The following FOXN3 variants were observed in gnomAD, a reference collection of about 807,000 sequenced individuals.
The protein encoded by FOXN3 is forkhead box N3, also known as forkhead box protein N3.
Under a neutral mutation model 38.4 loss-of-function variants are expected in FOXN3, and 7 were observed. The ratio of observed to expected loss-of-function variants is 0.18; its 90% CI spans 0.10 to 0.34. FOXN3 has a LOEUF of 0.34. Among genes scored for constraint, FOXN3 ranks in the 10% least tolerant of loss-of-function variants. The probability of loss-of-function intolerance (pLI) is 1.00; values close to 1 mark genes in which losing one functional copy is unlikely to be tolerated. For missense variants in FOXN3, 456 were observed against 613.4 expected (o/e 0.74, Z 2.71); for synonymous variants, 230 against 242.2 (o/e 0.95, Z 0.47).
chr14:89,516,619 T>C (rs1473513030), intron 1 of FOXN3, among the ~76,000 whole-genome samples: 1 of 147,278 alleles, frequency 6.8e-6, no homozygotes, highest in Admixed American at 7.0e-5. Context: ...TGGAGTGCAG[T>C]GGCACAATCA....
intron 1 of FOXN3, among the ~76,000 whole-genome samples, chr14:89,415,356 T>C (rs1178321524): frequency 6.6e-6 from 1 of 152,194 alleles, no homozygotes; most frequent in African/African-American, 2.4e-5. Context: ...TAACACGCTA[T>C]TCTCCATGTT....
chr14:89,402,599 G>A (rs1891278933), intron 2 of FOXN3, among the ~76,000 whole-genome samples: 1 of 152,224 alleles, frequency 6.6e-6, no homozygotes, highest in South Asian at 2.1e-4. Flanking sequence ...GATCAAAGCA[G>A]AGGGTGGGGT....
intron 1 of FOXN3, among the ~76,000 whole-genome samples, chr14:89,555,125 G>A (rs1391176176): frequency 1.3e-4 from 5 of 38,832 alleles, no homozygotes; most frequent in Non-Finnish European, 3.1e-4. Flanking sequence ...TTAAAATAAT[G>A]TGGTTTTTTT....
intron 2 of FOXN3, among the ~76,000 whole-genome samples, chr14:89,381,644 A>G (rs1328443917): frequency 6.6e-6 from 1 of 151,644 alleles, no homozygotes; most frequent in African/African-American, 2.4e-5. Flanking sequence ...ACATCACCTG[A>G]GCCCAGCAGT....
rs1481298307 is a variant in FOXN3 at position 89,191,973 on chromosome 14, T to TATATATATATATATATAA, written c.746-11168_746-11167insTTATATATATATATATAT. ...GTATATATATATATACACATATATA[T>TATATATATATATATATAA]AACTATAATATATAATATATATTAG... is the stretch of plus-strand genomic sequence containing the variant. On this transcript the variant is annotated intron_variant, in intron 4 of 5. Transcript: ENST00000557258. Among the ~76,000 whole-genome samples, 195 of 135,122 alleles carry TATATATATATATATATAA rather than the reference T, an allele frequency of 1.4e-3. 5 individuals are homozygous for TATATATATATATATATAA. The highest frequency in any genetic ancestry group is 5.7e-3 in the African/African-American group (179 of 31,636). 88.6% of individuals were successfully genotyped at this position (135,122 alleles called of 152,430 possible). A position where few individuals can be genotyped will look rare whatever the true frequency, so the allele number is the denominator to read the frequency against.
At chr14:89,617,504 A>C (rs1896515988) in intron 1 of FOXN3, among the ~76,000 whole-genome samples, 1 of 152,250 alleles carries the variant, frequency 6.6e-6, no homozygotes, top group African/African-American at 2.4e-5. Flanking sequence ...AAGGCACTTA[A>C]ATTATCAAAG....
chr14:89,360,350 AAGGGAGGG>A (rs55922140), intron 2 of FOXN3, among the ~76,000 whole-genome samples: 9 of 135,218 alleles, frequency 6.7e-5, no homozygotes, highest in African/African-American at 1.1e-4. Flanking sequence ...GAGAAAGAGA[AAGGGAGGG>A]AGGGAGGGAG....
chr14:89,549,270 C>A (rs1248596582), intron 1 of FOXN3, among the ~76,000 whole-genome samples: 4 of 128,740 alleles, frequency 3.1e-5, no homozygotes, highest in Non-Finnish European at 6.4e-5. Flanking sequence ...AAGTCCTTAT[C>A]TGTAAAAAAA....
intron 2 of FOXN3, among the ~76,000 whole-genome samples, chr14:89,359,782 G>T (rs1596214567): frequency 6.6e-6 from 1 of 152,228 alleles, no homozygotes; most frequent in East Asian, 1.9e-4. Flanking sequence ...GATACTGCAA[G>T]GGAGCAGGAC....
chr14:89,354,103 T>C (rs1889093629), intron 2 of FOXN3, among the ~76,000 whole-genome samples: 1 of 152,166 alleles, frequency 6.6e-6, no homozygotes, highest in Non-Finnish European at 1.5e-5. Flanking sequence ...ATGTTTCTAA[T>C]AGGAGAGAGA....
intron 4 of FOXN3, among the ~76,000 whole-genome samples, chr14:89,191,340 G>A (rs1887936102): frequency 6.6e-6 from 1 of 152,178 alleles, no homozygotes; most frequent in Non-Finnish European, 1.5e-5. Flanking sequence ...CGTCCCAGCT[G>A]CCCTGGGGCG....
At chr14:89,410,402 TAACAC>T (rs1458823499) in intron 2 of FOXN3, among the ~76,000 whole-genome samples, 1 of 152,122 alleles carries the variant, frequency 6.6e-6, no homozygotes, top group African/African-American at 2.4e-5. Flanking sequence ...GCAGCATTAT[TAACAC>T]AACACACAAA....
chr14:89,428,798 C>A lies in FOXN3; in HGVS notation c.-14-16308G>T, dbSNP rs751361757. On this transcript the variant is annotated intron_variant, in intron 1 of 6. Coordinates refer to the FOXN3 transcript ENST00000345097. The stretch of plus-strand genomic sequence containing the variant: ...CCAAGGCACCCTGCGCAGGCCTCCA[C>A]GCCCCACGAGTGCCTGCAGAGGCTA... 3.3e-5 allele frequency among the ~76,000 whole-genome samples: 5 copies of A among 152,230 alleles called. No individual in the cohort carries two copies. In the South Asian group the frequency reaches 8.3e-4, roughly 25 times the overall value.
intron 2 of FOXN3, among the ~76,000 whole-genome samples, chr14:89,406,378 C>T (rs1891388393): frequency 6.7e-6 from 1 of 150,024 alleles, no homozygotes; most frequent in Non-Finnish European, 1.5e-5. Flanking sequence ...TATGATCATG[C>T]CAGTGTACTC....
intron 3 of FOXN3, among the ~76,000 whole-genome samples, chr14:89,315,075 G>C (rs970026673): frequency 1.3e-5 from 2 of 151,910 alleles, no homozygotes; most frequent in Non-Finnish European, 2.9e-5. Flanking sequence ...TTTGATACCA[G>C]ATCAGCCCCC....
chr14:89,361,352 C>T (rs181406180), intron 2 of FOXN3, among the ~76,000 whole-genome samples: 42 of 5,258 alleles, frequency 8.0e-3, no homozygotes, highest in South Asian at 0.016. Flanking sequence ...CCTCCAGCAC[C>T]ACCTCCACCA....
At chr14:89,245,671 AAAG>A (rs773348857) in intron 4 of FOXN3, among the ~76,000 whole-genome samples, 1 of 152,252 alleles carries the variant, frequency 6.6e-6, no homozygotes, top group Non-Finnish European at 1.5e-5. Flanking sequence ...GTTGAGTGAG[AAAG>A]AAGAAATTTT....
chr14:89,312,996 C>A (rs945784705), intron 3 of FOXN3, among the ~76,000 whole-genome samples: 7 of 152,210 alleles, frequency 4.6e-5, no homozygotes, highest in African/African-American at 1.7e-4. Flanking sequence ...AGCCCTGTCG[C>A]TTTGTCCCAA....
chr14:89,336,310 G>T (rs138498552), intron 3 of FOXN3, among the ~76,000 whole-genome samples: 1 of 151,316 alleles, frequency 6.6e-6, no homozygotes, highest in African/African-American at 2.4e-5. Flanking sequence ...CAATTTCCAT[G>T]GCTCTCCCTC....
Sources: allele counts gnomAD v4.1 joint callset (sites outside exome capture counted in the v4.1 genomes callset), GRCh38; gene constraint gnomAD v4.1.1; transcripts MANE v1.5; gene names NCBI Gene and HGNC (gene_info 2026-07-23, HGNC 2026-07-21).